The following NPAS2 variants were observed in gnomAD, a reference collection of about 807,000 sequenced individuals.
NPAS2 encodes the protein neuronal PAS domain protein 2.
In NPAS2, 23 loss-of-function variants were observed where a neutral mutation model predicts 107.5. That is an observed-to-expected ratio of 0.21 (90% confidence interval 0.15 to 0.30). The LOEUF is 0.30. NPAS2 is among the 10% of genes least tolerant of loss of function. The probability of loss-of-function intolerance (pLI) is 1.00; values close to 1 mark genes in which losing one functional copy is unlikely to be tolerated. For missense variants in NPAS2, 756 were observed against 1,043.3 expected (o/e 0.72, Z 3.79); for synonymous variants, 403 against 417.5 (o/e 0.97, Z 0.42).
intron 16 of NPAS2, chr2:100,983,342 C>T (rs930901392): frequency 2.0e-5 from 3 of 152,360 alleles, no homozygotes; most frequent in Non-Finnish European, 2.9e-5. Flanking sequence ...CGCCGTGAGC[C>T]GGTGCACGCT....
chr2:100,858,528 G>T (rs749129760), intron 1 of NPAS2, among the ~76,000 whole-genome samples: 2 of 152,106 alleles, frequency 1.3e-5, no homozygotes, highest in African/African-American at 4.8e-5. Context: ...GTTCCCTTTC[G>T]TTATGGGGAA....
rs76964221 is a variant in NPAS2, at chr2:100,931,179, C to T, written c.182-1731C>T. Among the ~76,000 whole-genome samples, 551 of 152,336 alleles carry T rather than the reference C, an allele frequency of 3.6e-3. 3 individuals are homozygous for T. The highest frequency in any genetic ancestry group is 0.012 in the African/African-American group (518 of 41,572). ...AGGCCCGACACTGGACGTTTCCCCA[C>T]AGCGCGGCCCTCCCTCCAGGGGCCC... On this transcript the variant is annotated intron_variant, in intron 3 of 20. Coordinates refer to ENST00000335681, the MANE Select transcript of NPAS2 (RefSeq NM_002518.4).
rs531788131 is a variant in NPAS2 at position 100,833,235 on chromosome 2, T to C, written c.-23+12821T>C. On this transcript the variant is annotated intron_variant, in intron 1 of 20. Transcript: ENST00000335681. ...CCCTGATATGGTCACTGTGACCAAG[T>C]GGCCTTGGCAAGTTGCATAAACCCC... is the stretch of plus-strand genomic sequence containing the variant. 4.6e-5 allele frequency among the ~76,000 whole-genome samples: 7 copies of C among 152,314 alleles called. No homozygotes were observed. The South Asian group carries it at 1.5e-3, about 32-fold the overall frequency.
intron 1 of NPAS2, among the ~76,000 whole-genome samples, chr2:100,903,115 A>AGCAGCCAGCCC (rs1443719453): frequency 6.6e-6 from 1 of 152,236 alleles, no homozygotes; most frequent in Non-Finnish European, 1.5e-5. Context: ...ACTGAGGAGC[A>AGCAGCCAGCCC]GCAGCCAGCC....
rs1051194143 is a variant in NPAS2, at chr2:100,820,645, G to A, written c.-23+231G>A. Reference sequence around the variant, plus strand: ...TCGCGTCCTGCAGGAGGTAGCAATCGCTGGGCCGGTGGGCTCCGGGCGCGT... The same window carrying A: ...TCGCGTCCTGCAGGAGGTAGCAATCACTGGGCCGGTGGGCTCCGGGCGCGT... On this transcript the variant is annotated intron_variant, in intron 1 of 20. Transcript: ENST00000335681. This position sits in a 1 kb window ranked among gnomAD's most constrained non-coding sequence, Gnocchi z 5.6. Among the ~76,000 whole-genome samples, 17 of 152,224 alleles carry A rather than the reference G, an allele frequency of 1.1e-4. No homozygotes were observed. Among genetic ancestry groups the A allele is most frequent in the Non-Finnish European group, 1.9e-4 (13 of 67,976 alleles).
At chr2:100,912,824 C>T (rs1682641972) in intron 2 of NPAS2, among the ~76,000 whole-genome samples, 1 of 152,212 alleles carries the variant, frequency 6.6e-6, no homozygotes, top group Non-Finnish European at 1.5e-5. Context: ...GCCTCCAAGT[C>T]CAGCCTTTAT....
chr2:100,834,700 CTTTTT>C (rs948985565), intron 1 of NPAS2, among the ~76,000 whole-genome samples: 1 of 149,432 alleles, frequency 6.7e-6, no homozygotes, highest in African/African-American at 2.5e-5. Flanking sequence ...CTTTTCTTTT[CTTTTT>C]TTTTGAGATG....
At chr2:100,883,252 C>G (rs1680486944) in intron 1 of NPAS2, among the ~76,000 whole-genome samples, 1 of 152,182 alleles carries the variant, frequency 6.6e-6, no homozygotes, top group Non-Finnish European at 1.5e-5. Flanking sequence ...TGAGATCCAC[C>G]AAGGCCAGAT....
At position 100,974,933 on chromosome 2, in the gene NPAS2, C is replaced by T; in HGVS notation, c.1271C>T (p.Ser424Leu). ...CACAAATCCTCGCACACAGCCATGT[C>T]AGAACCCACCTGTGAGTGCGAGTCC... ...SSHKSSHTAM[S>L]EPTSTPTKLM... Residue 424 changes from serine (S) to leucine (L), a missense_variant, in exon 13 of 21, where the codon TCA (serine) becomes TTA (leucine). By Grantham distance (145) the Ser-to-Leu change is moderately radical. Coordinates refer to ENST00000335681, the MANE Select transcript of NPAS2 (RefSeq NM_002518.4). 6.2e-7 allele frequency: 1 copy of T among 1,613,962 alleles called. No homozygotes were observed. Among genetic ancestry groups the T allele is most frequent in the Non-Finnish European group, 8.5e-7 (1 of 1,179,880 alleles).
rs112562018 is a variant in NPAS2, at chr2:100,968,405, C to T, written c.1032C>T (p.Ile344=). The T allele has an allele frequency of 6.2e-6, 10 of 1,614,110 alleles. No homozygotes were observed. Among genetic ancestry groups the T allele is most frequent in the South Asian group, 3.3e-5 (3 of 91,076 alleles). ...YHQWNSKPEF[I]VCTHSVVSYA... ...AGTGGAACTCCAAGCCCGAGTTCAT[C>T]GTGTGCACACACTCGGTGGTCAGGT... Residue 344 remains isoleucine (I), a synonymous_variant, in exon 11 of 21, where the codon ATC becomes ATT. Coordinates refer to ENST00000335681, the MANE Select transcript of NPAS2 (RefSeq NM_002518.4). This position sits in a 1 kb window ranked among gnomAD's most constrained non-coding sequence, Gnocchi z 5.3.
At position 100,847,743 on chromosome 2, in the gene NPAS2, G is replaced by T. The variant is rs145697138; in HGVS notation, c.-23+27329G>T. On this transcript the variant is annotated intron_variant, in intron 1 of 20. Transcript: ENST00000335681. ...GGTGTGACATCTGTAGGACTCAAAG[G>T]TTGTAGTGAAGTTTTCTCCTAGCAC... Among the ~76,000 whole-genome samples the T allele has an allele frequency of 1.9e-3, 295 of 152,298 alleles. 10 individuals are homozygous for T. In the East Asian group the frequency reaches 0.051, roughly 26 times the overall value.
At chr2:100,987,283 C>G (rs547831678) in intron 16 of NPAS2, 14 of 152,344 alleles carry the variant, frequency 9.2e-5, no homozygotes, top group African/African-American at 3.1e-4. Context: ...TGAACTAAAT[C>G]AGGATTCTCA....
At chr2:100,891,004 G>A (rs187276164) in intron 1 of NPAS2, among the ~76,000 whole-genome samples, 8 of 152,214 alleles carry the variant, frequency 5.3e-5, no homozygotes, top group East Asian at 1.9e-4. Flanking sequence ...AGGCCAAGGC[G>A]GGTGGATCAT....
chr2:100,870,197 C>T (rs916736453), intron 1 of NPAS2, among the ~76,000 whole-genome samples: 2 of 151,996 alleles, frequency 1.3e-5, no homozygotes, highest in Non-Finnish European at 2.9e-5. Context: ...CCGCACCTGG[C>T]CCAGACTCCT....
rs776791526 is a variant in NPAS2 at position 100,988,166 on chromosome 2, G to A, written c.1717G>A (p.Ala573Thr). The A allele has an allele frequency of 1.2e-6, 2 of 1,614,228 alleles. No homozygotes were observed. The highest frequency in any genetic ancestry group is 8.5e-7 in the Non-Finnish European group (1 of 1,180,032). ...GCAGCAGCTACAGCAAAGGTCAGCT[G>A]CAGTGACTCAGCCCCAGCTCGGGGC... ...AQQQLQQRSAAVTQPQLGAGP... is the reference protein window; with the variant it reads ...AQQQLQQRSATVTQPQLGAGP... Residue 573 changes from alanine to threonine, a missense_variant, in exon 17 of 21, where the codon GCA (alanine) becomes ACA (threonine). Ala to Thr is a moderately conservative substitution (Grantham distance 58, BLOSUM62 0). Transcript: ENST00000335681.
chr2:100,821,305 C>T, intron 1 of NPAS2: 1 of 959,898 alleles, frequency 1.0e-6, no homozygotes, highest in Non-Finnish European at 1.4e-6. Context: ...TCCACAAAGT[C>T]TAAACACTCC....
At chr2:100,932,448 G>A (rs1684020529) in intron 3 of NPAS2, among the ~76,000 whole-genome samples, 1 of 152,236 alleles carries the variant, frequency 6.6e-6, no homozygotes, top group African/African-American at 2.4e-5. Context: ...AACACAGTGG[G>A]TTATTTTCCA....
intron 2 of NPAS2, among the ~76,000 whole-genome samples, chr2:100,916,097 G>A (rs1261372462): frequency 6.6e-6 from 1 of 152,044 alleles, no homozygotes; most frequent in Non-Finnish European, 1.5e-5. Flanking sequence ...AAGAAATATG[G>A]AGGGGAAAAC....
chr2:100,963,925 A>G (rs2105149608), intron 7 of NPAS2, 133 bp from the exon 8 acceptor site: 1 of 589,966 alleles, frequency 1.7e-6, no homozygotes, highest in East Asian at 2.8e-5. Context: ...CCAGTTGTGA[A>G]AATGAAATGA....
Sources: gnomAD v4.1 joint callset for allele counts (sites outside exome capture counted in the v4.1 genomes callset) on GRCh38, gnomAD v4.1.1 for gene constraint, Gnocchi (gnomAD v3.1) non-coding constraint, MANE v1.5 for transcripts, NCBI Gene and HGNC (gene_info 2026-07-23, HGNC 2026-07-21) for gene names.